RAB11FIP3: variants seen among roughly 807,000 people sequenced by gnomAD.
RAB11FIP3 encodes rab11 family-interacting protein 3.
A neutral mutation model predicts 77.8 loss-of-function variants in RAB11FIP3; 17 were observed. The observed-to-expected ratio is 0.22, with a 90% CI of 0.15 to 0.33. The LOEUF is 0.33. Among genes scored for constraint, RAB11FIP3 ranks in the 10% least tolerant of loss-of-function variants. The probability of loss-of-function intolerance (pLI) is 1.00; values close to 1 mark genes in which losing one functional copy is unlikely to be tolerated. For missense variants in RAB11FIP3, 1,005 were observed against 1,011.2 expected, an observed-to-expected ratio of 0.99 and a Z score of 0.08; for synonymous variants, 437 against 448.2, an observed-to-expected ratio of 0.98 and a Z score of 0.31.
chr16:474,909 G>A (rs1013972528), intron 3 of RAB11FIP3: 1 of 1,525,250 alleles, frequency 6.6e-7, no homozygotes, highest in African/African-American at 1.4e-5. Flanking sequence ...GCCTCCAGGT[G>A]AGCGCACAGG....
rs1275069268 is a variant in RAB11FIP3, at chr16:449,210, A to T, written c.715-12194A>T. 3.3e-5 allele frequency among the ~76,000 whole-genome samples: 5 copies of T among 152,192 alleles called. No individual in the cohort carries two copies. The East Asian group carries it at 5.8e-4, about 18-fold the overall frequency. The stretch of plus-strand genomic sequence containing the variant: ...CCTCCTCCAGGCCTGTGCAGTAGCT[A>T]TTCCCTCTGCCTGGAATATGCAGTC... On this transcript the variant is annotated intron_variant, in intron 1 of 13. Coordinates refer to ENST00000262305, the MANE Select transcript of RAB11FIP3 (RefSeq NM_014700.4).
intron 1 of RAB11FIP3, among the ~76,000 whole-genome samples, chr16:455,345 G>A (rs552213159): frequency 1.6e-4 from 24 of 151,450 alleles, no homozygotes; most frequent in Non-Finnish European, 3.2e-4. Context: ...GTGGTGGCAC[G>A]TGCCTGTCAT....
rs936488518 is a variant in RAB11FIP3, at chr16:522,333, T to A, written c.*1494T>A. 1 of 150,882 alleles carries A rather than the reference T, an allele frequency of 6.6e-6. No individual in the cohort carries two copies. Among genetic ancestry groups the A allele is most frequent in the African/African-American group, 2.4e-5 (1 of 41,066 alleles). 9.3% of individuals were successfully genotyped at this position (150,882 alleles called of 1,614,324 possible). ...GTGCCCAGGCCCAGCCCTGGTGACA[T>A]GGCACCACTCAGCAGTGCTGTCACT... On this transcript the variant is annotated 3_prime_UTR_variant, in exon 14 of 14. Transcript: ENST00000262305.
In RAB11FIP3 at chr16:461,183, G is replaced by T. The variant is rs3743898; in HGVS notation, c.715-221G>T. 0.4 allele frequency among the ~76,000 whole-genome samples: 60,200 copies of T among 151,910 alleles called. 13,506 individuals carry two copies. Among genetic ancestry groups the T allele is most frequent in the Middle Eastern group, 0.53 (154 of 292 alleles). ...AAGGAGCGCGCAACCTGGACCCCTC[G>T]CATGCGGAGCACACAGTAGGCTTTG... is the stretch of plus-strand genomic sequence containing the variant. On this transcript the variant is annotated intron_variant, in intron 1 of 13. Coordinates refer to ENST00000262305, the MANE Select transcript of RAB11FIP3 (RefSeq NM_014700.4). This position sits in a 1 kb window ranked among gnomAD's most constrained non-coding sequence, Gnocchi z 4.5.
intron 1 of RAB11FIP3, among the ~76,000 whole-genome samples, chr16:439,611 A>G (rs962119611): frequency 2.0e-5 from 3 of 152,140 alleles, no homozygotes; most frequent in East Asian, 1.9e-4. Context: ...TTATTTTGCC[A>G]TGGTTGAGGA....
chr16:484,423 C>T (rs995629632), intron 4 of RAB11FIP3, among the ~76,000 whole-genome samples: 2 of 152,050 alleles, frequency 1.3e-5, no homozygotes, highest in Non-Finnish European at 2.9e-5. Context: ...GCGATCTCAG[C>T]TCACTGCAGC....
intron 1 of RAB11FIP3, among the ~76,000 whole-genome samples, chr16:429,713 G>A (rs1180044035): frequency 6.6e-6 from 1 of 151,978 alleles, no homozygotes; most frequent in Non-Finnish European, 1.5e-5. Context: ...GGCCAGGCTG[G>A]TCTTGAACTC....
chr16:495,812 G>A (rs1266183991), intron 5 of RAB11FIP3, among the ~76,000 whole-genome samples: 1 of 152,196 alleles, frequency 6.6e-6, no homozygotes, highest in Non-Finnish European at 1.5e-5. Context: ...GTGCAGTGGC[G>A]TGATCTCGGC....
chr16:461,824 A>G lies in RAB11FIP3; in HGVS notation c.808+327A>G, dbSNP rs934455507. 3.3e-5 allele frequency among the ~76,000 whole-genome samples: 5 copies of G among 152,160 alleles called. No homozygotes were observed. The highest frequency in any genetic ancestry group is 2.6e-4 in the Admixed American group (4 of 15,270). ...TCCATGGCCACCCAAGTGGGTGTTC[A>G]TCACCCGTGCTCTGCAGGCAGCACT... On this transcript the variant is annotated intron_variant, in intron 2 of 13. Coordinates refer to ENST00000262305, the MANE Select transcript of RAB11FIP3 (RefSeq NM_014700.4). The surrounding 1 kb of genome is among the most constrained non-coding windows in gnomAD (Gnocchi z 4.5).
At chr16:497,308 T>C (rs1047910151) in intron 6 of RAB11FIP3, 4 of 1,304,322 alleles carry the variant, frequency 3.1e-6, no homozygotes. Context: ...ATAGATCTGT[T>C]GGCTTCCTGC....
intron 4 of RAB11FIP3, among the ~76,000 whole-genome samples, chr16:488,235 C>T (rs1258212615): frequency 6.6e-6 from 1 of 152,110 alleles, no homozygotes; most frequent in African/African-American, 2.4e-5. Flanking sequence ...AAAAAATTAG[C>T]CGGGCGTGGT....
chr16:436,179 A>G (rs1407561352), intron 1 of RAB11FIP3, among the ~76,000 whole-genome samples: 1 of 152,126 alleles, frequency 6.6e-6, no homozygotes, highest in African/African-American at 2.4e-5. Flanking sequence ...GCGTGGTGGC[A>G]GGCGCCTGTA....
Position 426,871 on chromosome 16 carries a change from G to C in RAB11FIP3, c.714+151G>C, listed in dbSNP as rs879776529. 6 of 535,426 alleles carry C rather than the reference G, an allele frequency of 1.1e-5. No individual in the cohort carries two copies. The highest frequency in any genetic ancestry group is 1.8e-5 in the Non-Finnish European group (6 of 324,604). 33.2% of individuals were successfully genotyped at this position (535,426 alleles called of 1,614,324 possible). On this transcript the variant is annotated intron_variant, in intron 1 of 13. Transcript: ENST00000262305. The surrounding 1 kb of genome is among the most constrained non-coding windows in gnomAD (Gnocchi z 5.0). ...GCTTTTTCTGCTTATTCACCACTTC[G>C]GCCCTGGATTTCTGGTTGAATTGCG...
At position 521,198 on chromosome 16, in the gene RAB11FIP3, T is replaced by C; in HGVS notation, c.*359T>C. 3.2e-6 allele frequency: 1 copy of C among 315,584 alleles called. No individual in the cohort carries two copies. The highest frequency in any genetic ancestry group is 6.1e-6 in the Non-Finnish European group (1 of 164,040). 19.5% of individuals were successfully genotyped at this position (315,584 alleles called of 1,614,324 possible). A position where few individuals can be genotyped will look rare whatever the true frequency, so the allele number is the denominator to read the frequency against. ...AGCAGGATGGGCTGGAGAGCCTCTC[T>C]GTGCAGCGGTGTGGGGTGAGCCCTG... On this transcript the variant is annotated 3_prime_UTR_variant, in exon 14 of 14. Transcript: ENST00000262305.
At chr16:442,635 G>A (rs2055246581) in intron 1 of RAB11FIP3, among the ~76,000 whole-genome samples, 1 of 152,142 alleles carries the variant, frequency 6.6e-6, no homozygotes. Flanking sequence ...CTTTTTTTCT[G>A]ACGTAGTGGC....
chr16:462,825 G>A (rs1282100291), intron 2 of RAB11FIP3, among the ~76,000 whole-genome samples: 3 of 99,320 alleles, frequency 3.0e-5, no homozygotes, highest in Admixed American at 9.9e-5. Flanking sequence ...TCCCCAGCAC[G>A]ATCCCTTCCC....
intron 2 of RAB11FIP3, among the ~76,000 whole-genome samples, chr16:462,843 A>AGCACCC (rs2055637839): frequency 7.2e-6 from 1 of 139,430 alleles, no homozygotes; most frequent in Admixed American, 7.1e-5. Flanking sequence ...CCCCAGCACC[A>AGCACCC]TCCCTTCCCC....
In RAB11FIP3 at chr16:461,531, C is replaced by T. The variant is rs370021551; in HGVS notation, c.808+34C>T. The T allele has an allele frequency of 2.5e-6, 4 of 1,569,028 alleles. No homozygotes were observed. Among genetic ancestry groups the T allele is most frequent in the East Asian group, 2.2e-5 (1 of 44,554 alleles). ...TCCCCGCCATGAGCTCCCACCTCCT[C>T]TCCCGTTCCTCAGCCACCCTCTCAG... On this transcript the variant is annotated intron_variant, in intron 2 of 13. Transcript: ENST00000262305. The surrounding 1 kb of genome is among the most constrained non-coding windows in gnomAD (Gnocchi z 4.5).
intron 1 of RAB11FIP3, among the ~76,000 whole-genome samples, chr16:450,168 A>C (rs746609796): frequency 1.0e-3 from 155 of 151,816 alleles, no homozygotes; most frequent in Non-Finnish European, 1.6e-3. Flanking sequence ...CGTGCACAAC[A>C]AACTTTTTTT....
Sources: allele counts gnomAD v4.1 joint callset (sites outside exome capture counted in the v4.1 genomes callset), GRCh38; gene constraint gnomAD v4.1.1; non-coding constraint Gnocchi (gnomAD v3.1); transcripts MANE v1.5; gene names NCBI Gene and HGNC (gene_info 2026-07-23, HGNC 2026-07-21).